HK3: variants seen among roughly 807,000 people sequenced by gnomAD.
The protein encoded by HK3 is hexokinase-3.
In HK3, 93 loss-of-function variants were observed where a neutral mutation model predicts 91.0. The ratio of observed to expected loss-of-function variants is 1.02; its 90% CI spans 0.86 to 1.21. HK3 has a LOEUF of 1.21. HK3 is among the 50% of genes most tolerant of loss of function. HK3 has a pLI of 0.00. For missense variants in HK3, 1,235 were observed against 1,247.4 expected (o/e 0.99, Z 0.15); for synonymous variants, 519 against 516.9 (o/e 1.00, Z -0.06).
At chr5:176,886,549 G>C (rs1289414025) in intron 13 of HK3, among the ~76,000 whole-genome samples, 1 of 152,028 alleles carries the variant, frequency 6.6e-6, no homozygotes, top group African/African-American at 2.4e-5. Flanking sequence ...GTGCTGAGTA[G>C]GGATGTGTGT....
intron 16 of HK3, 43 bp downstream of exon 16, chr5:176,881,901 C>T (rs756192762): frequency 6.2e-7 from 1 of 1,612,454 alleles, no homozygotes; most frequent in Non-Finnish European, 8.5e-7. Context: ...CCATCCCCAG[C>T]ACCGGTCACA....
At chr5:176,890,206 C>T (rs1440161648) in intron 6 of HK3, among the ~76,000 whole-genome samples, 1 of 152,180 alleles carries the variant, frequency 6.6e-6, no homozygotes. Context: ...AGATCATCCG[C>T]CCCAGCCCCA....
intron 2 of HK3, among the ~76,000 whole-genome samples, chr5:176,894,364 C>T (rs971709986): frequency 6.6e-6 from 1 of 152,188 alleles, no homozygotes; most frequent in Non-Finnish European, 1.5e-5. Flanking sequence ...TTTGGTGTCC[C>T]TGTGAAGTCC....
rs758360062 is a variant in HK3, at chr5:176,889,553, T to C, written c.742A>G (p.Asn248Asp). 1 of 1,614,142 alleles carries C rather than the reference T, an allele frequency of 6.2e-7. No individual in the cohort carries two copies. The highest frequency in any genetic ancestry group is 8.5e-7 in the Non-Finnish European group (1 of 1,179,978). The change falls in exon 8 of 19, where the codon AAC becomes GAC. Residue 248 changes from asparagine (N) to aspartate (D), a missense_variant. Transcript: ENST00000292432. ...CGTGCCTCCTCCATGTAACACGCGT[T>C]GGTGCCCGTGTCTGGCAGAGACAAC... Reference protein sequence around the residue: ...EVGLVVDTGTNACYMEEARHV... With the variant: ...EVGLVVDTGTDACYMEEARHV...
At position 176,887,024 on chromosome 5, in the gene HK3, C is replaced by T; in HGVS notation, c.1835G>A (p.Cys612Tyr). ...LPLGFTFSFP[C>Y]RQLGLDQGIL... Reference sequence around the variant, plus strand: ...CACCTGGTCTAGGCCAAGCTGCCTACATGGGAAGGAGAAGGTAAAACCCAG... The same window carrying T: ...CACCTGGTCTAGGCCAAGCTGCCTATATGGGAAGGAGAAGGTAAAACCCAG... The change falls in exon 13 of 19, where the codon TGT becomes TAT. Residue 612 changes from cysteine (C) to tyrosine (Y), a missense_variant. Physicochemically the swap from Cys to Tyr is radical, Grantham distance 194. This residue lies in a region of HK3 where 513 missense variants were observed against 477.4 expected (regional missense o/e 1.07). Transcript: ENST00000292432. This position sits in a 1 kb window ranked among gnomAD's most constrained non-coding sequence, Gnocchi z 4.9. 1 of 1,614,172 alleles carries T rather than the reference C, an allele frequency of 6.2e-7. No individual in the cohort carries two copies. Among genetic ancestry groups the T allele is most frequent in the Non-Finnish European group, 8.5e-7 (1 of 1,180,032 alleles).
At chr5:176,890,316 G>A (rs1278199376) in intron 6 of HK3, among the ~76,000 whole-genome samples, 1 of 152,182 alleles carries the variant, frequency 6.6e-6, no homozygotes, top group Non-Finnish European at 1.5e-5. Context: ...ACTCCTCCTT[G>A]ACACGGACAA....
rs1433950472 is a variant in HK3, at chr5:176,887,520, C to T, written c.1531G>A (p.Gly511Arg). The change falls in exon 11 of 19, where the codon GGG becomes AGG. Residue 511 changes from glycine to arginine, a missense_variant. Coordinates refer to ENST00000292432, the MANE Select transcript of HK3 (RefSeq NM_002115.3). This position sits in a 1 kb window ranked among gnomAD's most constrained non-coding sequence, Gnocchi z 4.9. The part of the protein sequence containing the change: ...QAQMRKAMAK[G>R]LRGEASSLRM... ...AGGGAGGAGGCCTCCCCTCGGAGCC[C>T]CTTGGCCATGGCCTTCCGCATCTGT... 1 of 1,613,804 alleles carries T rather than the reference C, an allele frequency of 6.2e-7. No individual in the cohort carries two copies. The highest frequency in any genetic ancestry group is 2.2e-5 in the East Asian group (1 of 44,866).
rs78912042 is a variant in HK3, at chr5:176,884,049, G to A, written c.1943C>T (p.Thr648Ile). 1 of 1,614,112 alleles carries A rather than the reference G, an allele frequency of 6.2e-7. No individual in the cohort carries two copies. Among genetic ancestry groups the A allele is most frequent in the Non-Finnish European group, 8.5e-7 (1 of 1,179,980 alleles). Residue 648 changes from threonine to isoleucine, a missense_variant, in exon 14 of 19, where the codon ACT (threonine) becomes ATT (isoleucine). Thr to Ile is a moderately conservative substitution (Grantham distance 89). This residue lies in a region of HK3 where 513 missense variants were observed against 477.4 expected (regional missense o/e 1.07). Coordinates refer to ENST00000292432, the MANE Select transcript of HK3 (RefSeq NM_002115.3). This position sits in a 1 kb window ranked among gnomAD's most constrained non-coding sequence, Gnocchi z 4.1. ...DVVSLLREAI[T>I]RRQAVELNVV... ...AGAACAGGCTCCTACCTGTCTGCGAGTGATGGCTTCCCGCAACAGACTCAC... is the reference window on the plus strand; with the variant it reads ...AGAACAGGCTCCTACCTGTCTGCGAATGATGGCTTCCCGCAACAGACTCAC...
Position 176,881,128 on chromosome 5 carries a change from C to G in HK3, c.2717G>C (p.Gly906Ala). ...GGCAACAGCGGTGACCAGGGCCGCA[C>G]CTTTGCCGGACCCATCCTCTGACTG... ...FLQSEDGSGK[G>A]AALVTAVACR... is the part of the protein sequence containing the mutation. Residue 906 changes from glycine (G) to alanine (A), a missense_variant, in exon 19 of 19, where the codon GGT becomes GCT. Gly to Ala is a moderately conservative substitution (Grantham distance 60). This residue lies in a region of HK3 where 513 missense variants were observed against 477.4 expected (regional missense o/e 1.07). Coordinates refer to ENST00000292432, the MANE Select transcript of HK3 (RefSeq NM_002115.3). 1.2e-6 allele frequency: 2 copies of G among 1,612,978 alleles called. No homozygotes were observed. Among genetic ancestry groups the G allele is most frequent in the Non-Finnish European group, 1.7e-6 (2 of 1,179,896 alleles).
chr5:176,889,275 G>A (rs1758693547), intron 8 of HK3, 106 bp downstream of exon 8: 1 of 1,275,918 alleles, frequency 7.8e-7, no homozygotes, highest in Non-Finnish European at 1.1e-6. Flanking sequence ...CCCTCAGAGT[G>A]ACAGGGAGGG....
At chr5:176,888,894 C>G in intron 8 of HK3, 30 bp from the exon 9 acceptor site, 1 of 1,604,850 alleles carries the variant, frequency 6.2e-7, no homozygotes, top group Non-Finnish European at 8.5e-7. Flanking sequence ...CTGGAGGAAG[C>G]CTTTTCTAAG....
chr5:176,896,233 C>T, intron 1 of HK3, 48 bp from the exon 2 acceptor site: 1 of 1,091,016 alleles, frequency 9.2e-7, no homozygotes, highest in Non-Finnish European at 1.3e-6. Context: ...CTCTATAGGC[C>T]CTAGGAGTCT....
At chr5:176,893,610 G>C (rs910716987) in intron 2 of HK3, among the ~76,000 whole-genome samples, 2 of 152,224 alleles carry the variant, frequency 1.3e-5, no homozygotes, top group African/African-American at 4.8e-5. Flanking sequence ...AATGTATGTG[G>C]AAGTGCCAAG....
At position 176,890,822 on chromosome 5, in the gene HK3, C is replaced by T; in HGVS notation, c.534G>A (p.Arg178=). 1 of 1,614,170 alleles carries T rather than the reference C, an allele frequency of 6.2e-7. No individual in the cohort carries two copies. Among genetic ancestry groups the T allele is most frequent in the Non-Finnish European group, 8.5e-7 (1 of 1,180,040 alleles). ...GCGTCCCATGTCCACTCCACCTCACCCTGTCCAAGCCCGTCTGGTGACAAG... is the reference window on the plus strand; with the variant it reads ...GCGTCCCATGTCCACTCCACCTCACTCTGTCCAAGCCCGTCTGGTGACAAG... ...SFPCHQTGLD[R]STLISWTKGF... Residue 178 remains arginine, a splice_region_variant and synonymous_variant, in exon 5 of 19, where the codon AGG becomes AGA. Transcript: ENST00000292432.
At position 176,888,445 on chromosome 5, in the gene HK3, C is replaced by T; in HGVS notation, c.1191G>A (p.Gln397=). Residue 397 remains glutamine (Q), a synonymous_variant, in exon 10 of 19, where the codon CAG becomes CAA. Transcript: ENST00000292432. ...VCAAVCTRAA[Q]LCAAALAAVL... ...CAGCGGCCAGGGCGGCAGCACAGAGCTGGGCAGCCCGCGTGCACACGGCCG... is the reference window on the plus strand; with the variant it reads ...CAGCGGCCAGGGCGGCAGCACAGAGTTGGGCAGCCCGCGTGCACACGGCCG... 6.4e-7 allele frequency: 1 copy of T among 1,556,992 alleles called. No homozygotes were observed. The highest frequency in any genetic ancestry group is 8.7e-7 in the Non-Finnish European group (1 of 1,149,794).
At chr5:176,894,009 C>T (rs976239906) in intron 2 of HK3, among the ~76,000 whole-genome samples, 21 of 152,196 alleles carry the variant, frequency 1.4e-4, no homozygotes, top group Non-Finnish European at 2.4e-4. Flanking sequence ...AGCAAGCAAC[C>T]CCTCTATCTA....
intron 2 of HK3, among the ~76,000 whole-genome samples, chr5:176,892,415 T>C (rs1280044987): frequency 6.6e-6 from 1 of 152,028 alleles, no homozygotes; most frequent in Non-Finnish European, 1.5e-5. Context: ...CGGGAGTGGA[T>C]CGGAGTCTGA....
chr5:176,882,619 GC>G (rs1292037496), intron 15 of HK3, among the ~76,000 whole-genome samples: 13 of 152,212 alleles, frequency 8.5e-5, no homozygotes, highest in South Asian at 4.1e-4. Flanking sequence ...GAGCCTCTGT[GC>G]CCCCGTGGAA....
intron 2 of HK3, among the ~76,000 whole-genome samples, chr5:176,893,772 C>A (rs890660724): frequency 1.3e-5 from 2 of 152,142 alleles, no homozygotes; most frequent in African/African-American, 4.8e-5. Context: ...AGCAGAACTG[C>A]AAGAAAGACA....
Sources: allele counts gnomAD v4.1 joint callset (sites outside exome capture counted in the v4.1 genomes callset), GRCh38; gene constraint gnomAD v4.1.1; regional missense constraint gnomAD v4.1.1; non-coding constraint Gnocchi (gnomAD v3.1); transcripts MANE v1.5; gene names NCBI Gene and HGNC (gene_info 2026-07-23, HGNC 2026-07-21).